Variants in DYRK1A observed in about 807,000 individuals in gnomAD.
DYRK1A encodes dual specificity tyrosine phosphorylation regulated kinase 1A, also known as dual specificity tyrosine-phosphorylation-regulated kinase 1A.
DYRK1A carries 9 observed loss-of-function variants against 79.7 expected under a neutral mutation model. That is an observed-to-expected ratio of 0.11 (90% CI 0.07 to 0.20). The LOEUF is 0.20. DYRK1A is among the 10% of genes least tolerant of loss of function. DYRK1A has a pLI of 1.00. For missense variants in DYRK1A, 622 were observed against 956.0 expected (o/e 0.65, Z 4.61); for synonymous variants, 349 against 329.7 (o/e 1.06, Z -0.63).
chr21:37,411,866 T>C (rs1181689896), intron 1 of DYRK1A, among the ~76,000 whole-genome samples: 3 of 152,238 alleles, frequency 2.0e-5, no homozygotes, highest in African/African-American at 7.2e-5. Context: ...TATTCTCTTT[T>C]TGAAAAACAA....
intron 5 of DYRK1A, among the ~76,000 whole-genome samples, chr21:37,482,856 T>A (rs1301251947): frequency 6.6e-6 from 1 of 152,220 alleles, no homozygotes; most frequent in Non-Finnish European, 1.5e-5. Flanking sequence ...TCAGCGATAT[T>A]TCTCCCATTT....
rs569373956 is a variant in DYRK1A at position 37,461,117 on chromosome 21, G to A, written c.11-11567G>A. Reference sequence around the variant, plus strand: ...TTATTTAGTTGTTGAGGATAGTACAGTTCCTAAAAAATGATACGTGCTTGT... The same window carrying A: ...TTATTTAGTTGTTGAGGATAGTACAATTCCTAAAAAATGATACGTGCTTGT... On this transcript the variant is annotated intron_variant, in intron 2 of 11. Transcript: ENST00000647188. Among the ~76,000 whole-genome samples, 5 of 152,314 alleles carry A rather than the reference G, an allele frequency of 3.3e-5. No homozygotes were observed. In the South Asian group the frequency reaches 1.0e-3, roughly 32 times the overall value.
chr21:37,506,134 C>T lies in DYRK1A; in HGVS notation c.1555C>T (p.Arg519Trp), dbSNP rs1448604709. 16 of 1,613,568 alleles carry T rather than the reference C, an allele frequency of 9.9e-6. No homozygotes were observed. The highest frequency in any genetic ancestry group is 9.9e-5 in the South Asian group (9 of 91,078). Residue 519 changes from arginine to tryptophan, a missense_variant, in exon 11 of 12, where the codon CGG becomes TGG. Coordinates refer to ENST00000647188, the MANE Select transcript of DYRK1A (RefSeq NM_001347721.2). ...SSGTSNSGRA[R>W]SDPTHQHRHS... ...GGGGACAAGCAACAGTGGGAGAGCC[C>T]GGTCGGATCCGACGCACCAGCATCG... is the stretch of plus-strand genomic sequence containing the variant.
Position 37,505,269 on chromosome 21 carries a change from C to T in DYRK1A, c.1213-14C>T. ...ACCAAATTTAGAGAAAGCCTTTCAT[C>T]TTCTCTCTTACAGGAGTACAAACCA... On this transcript the variant is annotated splice_polypyrimidine_tract_variant and intron_variant, in intron 9 of 11. Coordinates refer to ENST00000647188, the MANE Select transcript of DYRK1A (RefSeq NM_001347721.2). 4 of 1,572,724 alleles carry T rather than the reference C, an allele frequency of 2.5e-6. No individual in the cohort carries two copies. The highest frequency in any genetic ancestry group is 3.5e-6 in the Non-Finnish European group (4 of 1,157,508).
intron 9 of DYRK1A, chr21:37,504,580 G>A (rs186893271): frequency 6.6e-6 from 1 of 152,300 alleles, no homozygotes; most frequent in East Asian, 1.9e-4. Flanking sequence ...GTCTGGTGAT[G>A]CTATTCTTAA....
intron 2 of DYRK1A, among the ~76,000 whole-genome samples, chr21:37,463,242 G>GT (rs1425371505): frequency 6.7e-6 from 1 of 149,200 alleles, no homozygotes; most frequent in African/African-American, 2.5e-5. Context: ...GTATCCTGTA[G>GT]TAACACATAT....
rs3216074 is a variant in DYRK1A, at chr21:37,417,529, C to CTTTTTTTTTTT, written c.-76-2755_-76-2745dup. 3.0e-4 allele frequency among the ~76,000 whole-genome samples: 13 copies of CTTTTTTTTTTT among 44,066 alleles called. 1 individual carries two copies. Among genetic ancestry groups the CTTTTTTTTTTT allele is most frequent in the African/African-American group, 1.0e-3 (10 of 9,774 alleles). 28.9% of individuals were successfully genotyped at this position (44,066 alleles called of 152,430 possible). A position where few individuals can be genotyped will look rare whatever the true frequency, so the allele number is the denominator to read the frequency against. On this transcript the variant is annotated intron_variant, in intron 1 of 11. Coordinates refer to ENST00000647188, the MANE Select transcript of DYRK1A (RefSeq NM_001347721.2). Reference sequence around the variant, plus strand: ...TTCTTTTCTTTTTCTTTTTCTTTTTCTTTTTTTTTTTTTTTTTTTTTTTTT... The same window carrying CTTTTTTTTTTT: ...TTCTTTTCTTTTTCTTTTTCTTTTTCTTTTTTTTTTTTTTTTTTTTTTTTTTTTTTTTTTTT...
chr21:37,430,416 A>G lies in DYRK1A; in HGVS notation c.10+10032A>G, dbSNP rs370929930. ...CTGGATTGAGGTCTGGTACATTTTA[A>G]AAGATGATTTAATTCTATGATATGT... On this transcript the variant is annotated intron_variant, in intron 2 of 11. Coordinates refer to ENST00000647188, the MANE Select transcript of DYRK1A (RefSeq NM_001347721.2). 3.9e-5 allele frequency: 38 copies of G among 985,144 alleles called. No homozygotes were observed. In the African/African-American group the frequency reaches 5.8e-4, roughly 15 times the overall value. The allele number at this position is 985,144 out of a possible 1,614,324, so 61.0% of individuals were successfully genotyped here. A position where few individuals can be genotyped will look rare whatever the true frequency, so the allele number is the denominator to read the frequency against.
intron 1 of DYRK1A, among the ~76,000 whole-genome samples, chr21:37,416,082 C>T (rs968017952): frequency 2.0e-5 from 3 of 152,110 alleles, no homozygotes; most frequent in African/African-American, 7.2e-5. Flanking sequence ...AGTTCACAAA[C>T]TGTGACCTTA....
At chr21:37,494,597 T>C (rs766923704) in intron 8 of DYRK1A, among the ~76,000 whole-genome samples, 1 of 152,144 alleles carries the variant, frequency 6.6e-6, no homozygotes, top group African/African-American at 2.4e-5. Flanking sequence ...ACGGTTGCAG[T>C]ACCCCTTCTC....
chr21:37,462,582 C>T (rs1224477263), intron 2 of DYRK1A, among the ~76,000 whole-genome samples: 1 of 152,188 alleles, frequency 6.6e-6, no homozygotes, highest in Non-Finnish European at 1.5e-5. Flanking sequence ...TCTCCCAGTG[C>T]TTGTGCAGCT....
At chr21:37,390,022 C>CA (rs2049840965) in intron 1 of DYRK1A, among the ~76,000 whole-genome samples, 1 of 151,556 alleles carries the variant, frequency 6.6e-6, no homozygotes, top group African/African-American at 2.4e-5. Context: ...CTCCTGGGCT[C>CA]AAGTGATCCT....
At position 37,367,342 on chromosome 21, in the gene DYRK1A, C is replaced by T. The variant is rs2049328831; in HGVS notation, c.-363C>T. 1 of 33,540 alleles carries T rather than the reference C, an allele frequency of 3.0e-5. No individual in the cohort carries two copies. The highest frequency in any genetic ancestry group is 1.3e-4 in the African/African-American group (1 of 7,802). The allele number at this position is 33,540 out of a possible 1,614,324, so 2.1% of individuals were successfully genotyped here. A position where few individuals can be genotyped will look rare whatever the true frequency, so the allele number is the denominator to read the frequency against. ...CGGCGCCCGGCCTCGCCGACGCCGC[C>T]CTCTGCGCCGGGCCGGCCGTGCGGC... On this transcript the variant is annotated 5_prime_UTR_variant, in exon 1 of 12. Coordinates refer to ENST00000647188, the MANE Select transcript of DYRK1A (RefSeq NM_001347721.2).
chr21:37,425,165 T>C (rs2050582838), intron 2 of DYRK1A, among the ~76,000 whole-genome samples: 2 of 152,206 alleles, frequency 1.3e-5, no homozygotes, highest in South Asian at 4.1e-4. Flanking sequence ...GCTAGTCCGA[T>C]AGTTCCTGAA....
chr21:37,472,705 A>G lies in DYRK1A; in HGVS notation c.32A>G (p.Lys11Arg). 6.3e-7 allele frequency: 1 copy of G among 1,599,036 alleles called. No homozygotes were observed. The highest frequency in any genetic ancestry group is 8.5e-7 in the Non-Finnish European group (1 of 1,170,500). Residue 11 changes from lysine (K) to arginine (R), a missense_variant, in exon 3 of 12, where the codon AAA becomes AGA. This residue lies in a region of DYRK1A where 91 missense variants were observed against 113.8 expected (regional missense o/e 0.80). Transcript: ENST00000647188. Reference protein sequence around the residue: MHTGGETSACKPSSVRLAPSF... With the variant: MHTGGETSACRPSSVRLAPSF... ...GTAGGAGGAGAGACTTCAGCATGCA[A>G]ACCTTCATCTGTTCGGCTTGCACCG...
At chr21:37,434,158 C>G (rs73408670) in intron 2 of DYRK1A, among the ~76,000 whole-genome samples, 1 of 152,118 alleles carries the variant, frequency 6.6e-6, no homozygotes, top group Non-Finnish European at 1.5e-5. Flanking sequence ...GCATGCTCTT[C>G]TCTTGGAATC....
At chr21:37,411,829 A>G (rs2050251071) in intron 1 of DYRK1A, among the ~76,000 whole-genome samples, 2 of 152,196 alleles carry the variant, frequency 1.3e-5, no homozygotes, top group Admixed American at 1.3e-4. Context: ...TATGTAATCC[A>G]CCAGTTTTTT....
intron 1 of DYRK1A, among the ~76,000 whole-genome samples, chr21:37,371,796 G>T (rs941927388): frequency 2.0e-5 from 3 of 151,932 alleles, no homozygotes; most frequent in Admixed American, 2.0e-4. Context: ...TTTTGGGGGG[G>T]GCCCAGTGAA....
At position 37,488,952 on chromosome 21, in the gene DYRK1A, T is replaced by G. The variant is rs770089294; in HGVS notation, c.638-1223T>G. On this transcript the variant is annotated intron_variant, in intron 6 of 11. Coordinates refer to ENST00000647188, the MANE Select transcript of DYRK1A (RefSeq NM_001347721.2). ...TACATTCTTAGGTAACATTTAAGGA[T>G]TCCTTTTGTTATTTTTAGTATCGAG... 225 of 812,190 alleles carry G rather than the reference T, an allele frequency of 2.8e-4. 1 individual carries two copies. The highest frequency in any genetic ancestry group is 3.2e-4 in the Non-Finnish European group (212 of 672,358). The allele number at this position is 812,190 out of a possible 1,614,324, so 50.3% of individuals were successfully genotyped here. A position where few individuals can be genotyped will look rare whatever the true frequency, so the allele number is the denominator to read the frequency against.
Sources: gnomAD v4.1 joint callset for allele counts (sites outside exome capture counted in the v4.1 genomes callset) on GRCh38, gnomAD v4.1.1 for gene constraint, gnomAD v4.1.1 regional missense constraint, MANE v1.5 for transcripts, NCBI Gene and HGNC (gene_info 2026-07-23, HGNC 2026-07-21) for gene names.